Variants in INPP4B observed in about 807,000 individuals in gnomAD.
INPP4B encodes the protein inositol polyphosphate-4-phosphatase type II B, also known as inositol polyphosphate 4-phosphatase type II.
A neutral mutation model predicts 122.5 loss-of-function variants in INPP4B; 55 were observed. The observed-to-expected ratio is 0.45, with a 90% CI of 0.36 to 0.56. The LOEUF (loss-of-function observed/expected upper bound fraction) is 0.56. Among genes scored for constraint, INPP4B ranks in the 20% least tolerant of loss-of-function variants. The probability of loss-of-function intolerance (pLI) is 0.00; values close to 1 mark genes in which losing one functional copy is unlikely to be tolerated. For missense variants in INPP4B, 1,000 were observed against 1,097.7 expected, an observed-to-expected ratio of 0.91 and a Z score of 1.26; for synonymous variants, 403 against 388.7, an observed-to-expected ratio of 1.04 and a Z score of -0.43.
chr4:142,632,647 A>G (rs757975838), intron 2 of INPP4B, among the ~76,000 whole-genome samples: 1 of 152,108 alleles, frequency 6.6e-6, no homozygotes, highest in Admixed American at 6.6e-5. Flanking sequence ...GATTAAATAT[A>G]TAAAAAGAAT....
At chr4:142,038,693 A>T (rs1455618706) in intron 25 of INPP4B, among the ~76,000 whole-genome samples, 1 of 152,162 alleles carries the variant, frequency 6.6e-6, no homozygotes, top group Non-Finnish European at 1.5e-5. Context: ...AATCCATTGC[A>T]CTGGAGAAGA....
At chr4:142,556,853 T>C (rs1356521814) in intron 2 of INPP4B, among the ~76,000 whole-genome samples, 1 of 152,192 alleles carries the variant, frequency 6.6e-6, no homozygotes, top group African/African-American at 2.4e-5. Context: ...GTTTTTATCA[T>C]CTAAGCTGAT....
chr4:142,302,965 G>A lies in INPP4B; in HGVS notation c.503+2493C>T, dbSNP rs141982256. 5.7e-3 allele frequency among the ~76,000 whole-genome samples: 863 copies of A among 152,158 alleles called. 16 individuals carry two copies. Among genetic ancestry groups the A allele is most frequent in the African/African-American group, 0.019 (797 of 41,530 alleles). On this transcript the variant is annotated intron_variant, in intron 9 of 25. Transcript: ENST00000262992. Reference sequence around the variant, plus strand: ...TCGCATTTAACTAAAGGTGACATACGAATAGAAACCACTTTATACATCAGA... The same window carrying A: ...TCGCATTTAACTAAAGGTGACATACAAATAGAAACCACTTTATACATCAGA...
At chr4:142,176,567 T>C (rs1289039083) in intron 15 of INPP4B, among the ~76,000 whole-genome samples, 4 of 152,186 alleles carry the variant, frequency 2.6e-5, no homozygotes. Flanking sequence ...AATTCACACA[T>C]TTCTAATATT....
chr4:142,231,554 G>A (rs751365916), intron 12 of INPP4B, among the ~76,000 whole-genome samples: 9 of 152,024 alleles, frequency 5.9e-5, no homozygotes, highest in East Asian at 1.9e-4. Context: ...ATATTTAGAC[G>A]TTTCTATATA....
chr4:142,720,838 A>G (rs1285059560), intron 2 of INPP4B, among the ~76,000 whole-genome samples: 1 of 37,976 alleles, frequency 2.6e-5, no homozygotes, highest in Non-Finnish European at 5.7e-5. Context: ...TAGTTTTCTT[A>G]TTTTTTATTT....
intron 2 of INPP4B, among the ~76,000 whole-genome samples, chr4:142,609,559 G>C (rs1355808383): frequency 1.3e-5 from 2 of 152,060 alleles, no homozygotes; most frequent in Admixed American, 1.3e-4. Context: ...TTTACTGATA[G>C]GTCCCTGAAA....
At chr4:142,426,496 A>G (rs1808086008) in intron 5 of INPP4B, 1 of 152,000 alleles carries the variant, frequency 6.6e-6, no homozygotes, top group Admixed American at 6.6e-5. Flanking sequence ...GGGGTGAATT[A>G]TTTAATTTAA....
intron 1 of INPP4B, among the ~76,000 whole-genome samples, chr4:142,832,869 T>C (rs2151188166): frequency 6.6e-6 from 1 of 152,214 alleles, no homozygotes; most frequent in Non-Finnish European, 1.5e-5. Flanking sequence ...CATTTTTAAG[T>C]CAAGTTTTAG....
chr4:142,218,117 A>G (rs1304651190), intron 12 of INPP4B, among the ~76,000 whole-genome samples: 1 of 152,004 alleles, frequency 6.6e-6, no homozygotes, highest in Admixed American at 6.6e-5. Flanking sequence ...CTGGGATTCC[A>G]TCACACTGAT....
chr4:142,632,791 T>C (rs1748256816), intron 2 of INPP4B, among the ~76,000 whole-genome samples: 1 of 151,876 alleles, frequency 6.6e-6, no homozygotes, highest in African/African-American at 2.4e-5. Flanking sequence ...AAGATGCATG[T>C]TGTGAGATCT....
At chr4:142,813,636 T>G (rs1779777421) in intron 1 of INPP4B, among the ~76,000 whole-genome samples, 1 of 152,172 alleles carries the variant, frequency 6.6e-6, no homozygotes, top group Non-Finnish European at 1.5e-5. Context: ...CAAAGCTTTC[T>G]CATGGCACAT....
chr4:142,217,059 C>A (rs1201535976), intron 12 of INPP4B, among the ~76,000 whole-genome samples: 1 of 152,008 alleles, frequency 6.6e-6, no homozygotes, highest in South Asian at 2.1e-4. Context: ...CTTTACTGTA[C>A]CCACCCAGTA....
At chr4:142,114,290 T>C (rs10032157) in intron 21 of INPP4B, among the ~76,000 whole-genome samples, 20,104 of 152,026 alleles carry the variant, frequency 0.13, 1,490 homozygotes, top group East Asian at 0.24. Flanking sequence ...TGAGCCGTGG[T>C]ATGGAGATAT....
intron 7 of INPP4B, among the ~76,000 whole-genome samples, chr4:142,369,617 A>T (rs1561948378): frequency 6.9e-6 from 1 of 145,494 alleles, no homozygotes; most frequent in African/African-American, 2.6e-5. Flanking sequence ...TAAATAAATA[A>T]AAATAAAAAA....
intron 5 of INPP4B, among the ~76,000 whole-genome samples, chr4:142,419,691 T>C (rs537477333): frequency 2.0e-5 from 3 of 152,242 alleles, no homozygotes; most frequent in Non-Finnish European, 4.4e-5. Flanking sequence ...TTTTGTACAA[T>C]AGAAATGTAA....
intron 2 of INPP4B, among the ~76,000 whole-genome samples, chr4:142,469,588 T>C (rs1288676362): frequency 6.6e-6 from 1 of 152,144 alleles, no homozygotes; most frequent in African/African-American, 2.4e-5. Flanking sequence ...AATGATAAAA[T>C]ATATTTTGTG....
chr4:142,772,108 T>C lies in INPP4B; in HGVS notation c.-253-46207A>G, dbSNP rs77262146. Among the ~76,000 whole-genome samples, 920 of 152,186 alleles carry C rather than the reference T, an allele frequency of 6.0e-3. 8 individuals are homozygous for C. The highest frequency in any genetic ancestry group is 0.02 in the African/African-American group (850 of 41,524). On this transcript the variant is annotated intron_variant, in intron 1 of 25. Transcript: ENST00000262992. ...GATACTTGGATATGTGAGTACAAAATAGGTAAAGAGAAGTCCAGGTTGGAG... is the reference window on the plus strand; with the variant it reads ...GATACTTGGATATGTGAGTACAAAACAGGTAAAGAGAAGTCCAGGTTGGAG...
At chr4:142,732,099 T>A (rs1242578720) in intron 1 of INPP4B, among the ~76,000 whole-genome samples, 1 of 152,116 alleles carries the variant, frequency 6.6e-6, no homozygotes, top group Admixed American at 6.6e-5. Flanking sequence ...ATCTCAGTCA[T>A]CCATCCCAGA....
Sources: allele counts gnomAD v4.1 joint callset (sites outside exome capture counted in the v4.1 genomes callset), GRCh38; gene constraint gnomAD v4.1.1; transcripts MANE v1.5; gene names NCBI Gene and HGNC (gene_info 2026-07-23, HGNC 2026-07-21).